PSME4: variants seen among roughly 807,000 people sequenced by gnomAD.
The protein encoded by PSME4 is proteasome activator subunit 4, also known as proteasome activator complex subunit 4.
Under a neutral mutation model 253.9 loss-of-function variants are expected in PSME4, and 89 were observed. The observed-to-expected ratio is 0.35, with a 90% confidence interval of 0.30 to 0.42. PSME4 has a LOEUF of 0.42. PSME4 is among the 10% of genes least tolerant of loss of function. PSME4 has a pLI of 1.00. For missense variants in PSME4, 2,014 were observed against 2,195.2 expected, an observed-to-expected ratio of 0.92 and a Z score of 1.65; for synonymous variants, 851 against 759.2, an observed-to-expected ratio of 1.12 and a Z score of -1.99.
chr2:53,970,092 G>A (rs986459433), intron 1 of PSME4, among the ~76,000 whole-genome samples: 4 of 152,214 alleles, frequency 2.6e-5, no homozygotes, highest in African/African-American at 9.6e-5. Context: ...GATGCGAAGA[G>A]GCGGGGATCG....
Position 53,901,405 on chromosome 2 carries a change from TCAAA to T in PSME4, c.3226_3229del (p.Phe1076MetfsTer27). 6.2e-7 allele frequency: 1 copy of T among 1,614,194 alleles called. No homozygotes were observed. Among genetic ancestry groups the T allele is most frequent in the Non-Finnish European group, 8.5e-7 (1 of 1,180,020 alleles). On this transcript the variant is annotated frameshift_variant, in exon 28 of 47. Transcript: ENST00000404125. LOFTEE classifies it high-confidence loss of function. ...CCTATGAATCTTTTCTGCAAGATCA[TCAAA>T]CAATCTCACTATTGATGGCTTTTCC...
Position 53,931,655 on chromosome 2 carries a change from T to C in PSME4, c.1316+180A>G, listed in dbSNP as rs181128408. Among the ~76,000 whole-genome samples, 7 of 152,340 alleles carry C rather than the reference T, an allele frequency of 4.6e-5. No homozygotes were observed. In the East Asian group the frequency reaches 1.3e-3, roughly 29 times the overall value. ...GTTACCCATTTCATTTCAATTTTTT[T>C]CTCTCCAATAAACCTTTATCAAGTT... On this transcript the variant is annotated intron_variant, in intron 10 of 46. Transcript: ENST00000404125.
At chr2:53,939,390 T>A (rs1162871262) in intron 4 of PSME4, among the ~76,000 whole-genome samples, 2 of 152,048 alleles carry the variant, frequency 1.3e-5, no homozygotes, top group African/African-American at 4.8e-5. Context: ...ACCAAAAAAA[T>A]TAAAATTAAA....
At chr2:53,867,223 G>A (rs891279170) in intron 44 of PSME4, among the ~76,000 whole-genome samples, 1 of 152,100 alleles carries the variant, frequency 6.6e-6, no homozygotes, top group African/African-American at 2.4e-5. Context: ...ATCAGCTGGT[G>A]GCCAGGCATG....
chr2:53,925,946 G>C lies in PSME4; in HGVS notation c.1658+13C>G, dbSNP rs1268134404. The C allele has an allele frequency of 1.9e-6, 3 of 1,607,686 alleles. No individual in the cohort carries two copies. The highest frequency in any genetic ancestry group is 2.2e-5 in the South Asian group (2 of 90,830). Reference sequence around the variant, plus strand: ...GAATTTCAGCTAAACGTTGGTGTGGGTTACAAGCTCACCTGTCCATAAACT... The same window carrying C: ...GAATTTCAGCTAAACGTTGGTGTGGCTTACAAGCTCACCTGTCCATAAACT... On this transcript the variant is annotated intron_variant, in intron 13 of 46. Transcript: ENST00000404125.
In PSME4 at chr2:53,866,119, A is replaced by G; in HGVS notation, c.5502T>C (p.Asp1834=). 1.2e-6 allele frequency: 2 copies of G among 1,613,348 alleles called. No individual in the cohort carries two copies. The highest frequency in any genetic ancestry group is 1.7e-6 in the Non-Finnish European group (2 of 1,179,262). The change falls in exon 46 of 47, where the codon GAT becomes GAC. Residue 1834 remains aspartate, a synonymous_variant. Transcript: ENST00000404125. ...CATAATAGCATGGTGACACAAGAAG[A>G]TCGGTGAGAACAAGCAGTTGGTCAT... ...FTDDQLLVLT[D]LLVSPCYYA
chr2:53,892,963 A>G lies in PSME4; in HGVS notation c.4039-3T>C, dbSNP rs1679977241. ...TCATCAAAATTCCTGAATATACCCT[A>G]TAAAAACAAAGACTGTTCTTCAGTA... On this transcript the variant is annotated splice_region_variant and splice_polypyrimidine_tract_variant and intron_variant, in intron 35 of 46. Coordinates refer to ENST00000404125, the MANE Select transcript of PSME4 (RefSeq NM_014614.3). 1.9e-6 allele frequency: 3 copies of G among 1,608,518 alleles called. No homozygotes were observed. The highest frequency in any genetic ancestry group is 4.5e-5 in the East Asian group (2 of 44,810).
intron 37 of PSME4, among the ~76,000 whole-genome samples, chr2:53,889,196 T>C (rs1415792750): frequency 6.6e-6 from 1 of 152,142 alleles, no homozygotes; most frequent in Non-Finnish European, 1.5e-5. Context: ...ACTGAAAACA[T>C]ATATAAGTAT....
At position 53,936,100 on chromosome 2, in the gene PSME4, G is replaced by A. The variant is rs1253389049; in HGVS notation, c.821C>T (p.Pro274Leu). The change falls in exon 7 of 47, where the codon CCA becomes CTA. Residue 274 changes from proline to leucine, a missense_variant. Pro to Leu is a moderately conservative substitution (Grantham distance 98). Coordinates refer to ENST00000404125, the MANE Select transcript of PSME4 (RefSeq NM_014614.3). Reference protein sequence around the residue: ...TDNIGYIDWDPYVPKIFTRIL... With the variant: ...TDNIGYIDWDLYVPKIFTRIL... Reference sequence around the variant, plus strand: ...AATGTTAATTACCTTTGGTACATATGGATCCCAATCTATGTACCCTATATT... The same window carrying A: ...AATGTTAATTACCTTTGGTACATATAGATCCCAATCTATGTACCCTATATT... 3.1e-6 allele frequency: 5 copies of A among 1,612,112 alleles called. No homozygotes were observed. The highest frequency in any genetic ancestry group is 1.1e-5 in the South Asian group (1 of 90,894).
intron 36 of PSME4, 121 bp downstream of exon 36, chr2:53,892,687 T>A: frequency 1.1e-6 from 1 of 875,058 alleles, no homozygotes; most frequent in East Asian, 2.6e-5. Flanking sequence ...CATATCGGCA[T>A]ATTTCATATC....
chr2:53,874,869 TG>T (rs1032218161), intron 42 of PSME4, among the ~76,000 whole-genome samples: 2 of 152,024 alleles, frequency 1.3e-5, no homozygotes, highest in African/African-American at 2.4e-5. Context: ...CGCATGAACC[TG>T]GGGGGCGGAG....
rs559287799 is a variant in PSME4, at chr2:53,884,646, A to G, written c.4815+1044T>C. 2.6e-5 allele frequency among the ~76,000 whole-genome samples: 4 copies of G among 152,348 alleles called. No individual in the cohort carries two copies. The East Asian group carries it at 7.7e-4, about 29-fold the overall frequency. On this transcript the variant is annotated intron_variant, in intron 41 of 46. Transcript: ENST00000404125. The stretch of plus-strand genomic sequence containing the variant: ...AATGGGATGGAACCCCAGCTATCCT[A>G]ACAATCATTGCACATTATGAATTTA...
chr2:53,887,030 A>G (rs1397718493), intron 40 of PSME4, among the ~76,000 whole-genome samples: 2 of 152,188 alleles, frequency 1.3e-5, no homozygotes, highest in Non-Finnish European at 2.9e-5. Context: ...TAAAGGGTAC[A>G]AAGTTTCAGT....
rs762049661 is a variant in PSME4, at chr2:53,928,193, T to C, written c.1427A>G (p.Glu476Gly). 3 of 1,614,162 alleles carry C rather than the reference T, an allele frequency of 1.9e-6. No homozygotes were observed. The highest frequency in any genetic ancestry group is 2.2e-5 in the South Asian group (2 of 91,084). Reference protein sequence around the residue: ...SLVSGGRWFPEGPTHMLPLLM... With the variant: ...SLVSGGRWFPGGPTHMLPLLM... ...CAGAGGTAGCATATGTGTAGGACCT[T>C]CAGGAAACCATCTGCCTCCTGATAC... is the stretch of plus-strand genomic sequence containing the variant. The change falls in exon 11 of 47, where the codon GAA (glutamate) becomes GGA (glycine). Residue 476 changes from glutamate to glycine, a missense_variant. Glu to Gly is a moderately conservative substitution (Grantham distance 98). Around this residue, in one of 4 missense-constraint regions of PSME4, gnomAD observed 615 missense variants for 594.4 expected, o/e 1.03. Transcript: ENST00000404125.
Position 53,864,158 on chromosome 2 carries a change from G to A in PSME4, c.*1420C>T, listed in dbSNP as rs1219017299. ...TTATACAGGGATTACGCCTGTGTAT[G>A]CCGACACTTAAATACTGTACCAGGA... On this transcript the variant is annotated 3_prime_UTR_variant, in exon 47 of 47. Transcript: ENST00000404125. The A allele has an allele frequency of 6.6e-6, 1 of 152,168 alleles. No homozygotes were observed. The highest frequency in any genetic ancestry group is 1.5e-5 in the Non-Finnish European group (1 of 68,040). 9.4% of individuals were successfully genotyped at this position (152,168 alleles called of 1,614,324 possible).
At chr2:53,884,210 CTTTTCT>C (rs1005302860) in intron 41 of PSME4, among the ~76,000 whole-genome samples, 6 of 151,956 alleles carry the variant, frequency 3.9e-5, no homozygotes, top group African/African-American at 1.4e-4. Flanking sequence ...GTACAGCTTT[CTTTTCT>C]TTTCTTTTTT....
intron 1 of PSME4, among the ~76,000 whole-genome samples, chr2:53,968,389 G>C (rs1670853635): frequency 6.6e-6 from 1 of 151,958 alleles, no homozygotes; most frequent in Non-Finnish European, 1.5e-5. Context: ...GGAGAAACTA[G>C]ATTTTCTTTT....
chr2:53,925,549 T>C lies in PSME4; in HGVS notation c.1799A>G (p.Glu600Gly), dbSNP rs764928003. The C allele has an allele frequency of 7.1e-6, 11 of 1,549,362 alleles. No individual in the cohort carries two copies. The South Asian group carries it at 1.3e-4, about 19-fold the overall frequency. Residue 600 changes from glutamate to glycine, a missense_variant, in exon 14 of 47, where the codon GAA becomes GGA. This residue lies in a region of PSME4 where 989 missense variants were observed against 1,021.1 expected (regional missense o/e 0.97). Transcript: ENST00000404125. Reference protein sequence around the residue: ...FSTILTQCSKEIFMVALQKVF... With the variant: ...FSTILTQCSKGIFMVALQKVF... ...CAGCAATGTTCTTACCATAAATATT[T>C]CTTTGGAACATTGGGTGAGGATTGT...
intron 3 of PSME4, among the ~76,000 whole-genome samples, chr2:53,944,842 G>A (rs959694592): frequency 6.6e-6 from 1 of 151,892 alleles, no homozygotes; most frequent in Non-Finnish European, 1.5e-5. Flanking sequence ...TAAATCAATA[G>A]AGAAACAAAT....
Sources: allele counts gnomAD v4.1 joint callset (sites outside exome capture counted in the v4.1 genomes callset), GRCh38; gene constraint gnomAD v4.1.1; regional missense constraint gnomAD v4.1.1; transcripts MANE v1.5; gene names NCBI Gene and HGNC (gene_info 2026-07-23, HGNC 2026-07-21).